Variants in TDRD5 observed in about 807,000 individuals in gnomAD.
TDRD5 encodes the protein tudor domain-containing protein 5.
In TDRD5, 41 loss-of-function variants were observed where a neutral mutation model predicts 120.6. The observed-to-expected ratio is 0.34, with a 90% CI of 0.26 to 0.44. The LOEUF is 0.44. Ranked by LOEUF, TDRD5 falls within the 20% of genes least tolerant of loss-of-function variation. TDRD5 has a pLI of 1.00. For synonymous variants in TDRD5, 430 were observed against 433.7 expected (o/e 0.99, Z 0.11); for missense variants, 1,006 against 1,221.2 (o/e 0.82, Z 2.63).
At chr1:179,614,075 T>C (rs1174322604) in intron 4 of TDRD5, among the ~76,000 whole-genome samples, 3 of 152,172 alleles carry the variant, frequency 2.0e-5, no homozygotes, top group Admixed American at 1.3e-4. Flanking sequence ...CAGGTGTCTG[T>C]TTTTAAATTT....
chr1:179,621,434 G>T (rs1317083331), intron 6 of TDRD5, among the ~76,000 whole-genome samples: 1 of 151,936 alleles, frequency 6.6e-6, no homozygotes, highest in Non-Finnish European at 1.5e-5. Flanking sequence ...GAGCATTTTG[G>T]CATTATCAAG....
Position 179,635,761 on chromosome 1 carries a change from C to T in TDRD5, c.1394C>T (p.Pro465Leu). The T allele has an allele frequency of 5.0e-6, 8 of 1,614,064 alleles. No homozygotes were observed. Among genetic ancestry groups the T allele is most frequent in the Non-Finnish European group, 5.9e-6 (7 of 1,180,014 alleles). Residue 465 changes from proline (P) to leucine (L), a missense_variant, in exon 9 of 18, where the codon CCA (proline) becomes CTA (leucine). Physicochemically the swap from Pro to Leu is moderately conservative, Grantham distance 98 (BLOSUM62 -3). This residue lies in a region of TDRD5 where 158 missense variants were observed against 257.5 expected (regional missense o/e 0.61). Coordinates refer to ENST00000444136, the MANE Select transcript of TDRD5 (RefSeq NM_001199085.3). Reference protein sequence around the residue: ...AVPNKKLCRLPPLDTSSLIGV... With the variant: ...AVPNKKLCRLLPLDTSSLIGV... ...CCGAACAAGAAATTATGCAGACTCC[C>T]ACCATTAGACACCAGTTCCCTCATA...
intron 17 of TDRD5, among the ~76,000 whole-genome samples, chr1:179,687,859 T>A (rs1263288239): frequency 7.0e-6 from 1 of 143,772 alleles, no homozygotes; most frequent in East Asian, 2.0e-4. Flanking sequence ...GAGACTAGGA[T>A]TGCAACCCCT....
At chr1:179,630,664 C>A (rs1677384375) in intron 6 of TDRD5, 103 bp from the exon 7 acceptor site, 1 of 1,210,396 alleles carries the variant, frequency 8.3e-7, no homozygotes, top group South Asian at 1.6e-5. Context: ...TACTTGAGTT[C>A]ATTGACCCTT....
At chr1:179,643,268 C>A (rs188093473) in intron 11 of TDRD5, among the ~76,000 whole-genome samples, 9 of 152,028 alleles carry the variant, frequency 5.9e-5, no homozygotes, top group Non-Finnish European at 1.2e-4. Flanking sequence ...TAACAGAATC[C>A]AGAAGCTCTA....
At position 179,634,639 on chromosome 1, in the gene TDRD5, G is replaced by T. The variant is rs770574969; in HGVS notation, c.1299+10G>T. 1 of 1,599,006 alleles carries T rather than the reference G, an allele frequency of 6.3e-7. No individual in the cohort carries two copies. Among genetic ancestry groups the T allele is most frequent in the East Asian group, 2.2e-5 (1 of 44,810 alleles). ...AAAGCCTTTACAGCTGGTGAGTGAGGTTTAAAGACTGTGCACTGGAGATTC... is the reference window on the plus strand; with the variant it reads ...AAAGCCTTTACAGCTGGTGAGTGAGTTTTAAAGACTGTGCACTGGAGATTC... On this transcript the variant is annotated intron_variant, in intron 8 of 17. Transcript: ENST00000444136.
At chr1:179,637,856 T>C (rs1358002339) in intron 9 of TDRD5, among the ~76,000 whole-genome samples, 3 of 152,176 alleles carry the variant, frequency 2.0e-5, no homozygotes, top group Admixed American at 1.3e-4. Context: ...ATACATGGGA[T>C]ATTATAAAAG....
intron 14 of TDRD5, 27 bp from the exon 15 acceptor site, chr1:179,662,077 T>G (rs767521526): frequency 6.6e-7 from 1 of 1,507,474 alleles, no homozygotes; most frequent in East Asian, 2.5e-5. Context: ...AAATGATAGT[T>G]TTTCTTTGTC....
intron 2 of TDRD5, among the ~76,000 whole-genome samples, chr1:179,593,214 A>G (rs1675211702): frequency 6.6e-6 from 1 of 152,232 alleles, no homozygotes; most frequent in South Asian, 2.1e-4. Flanking sequence ...AAGAGTTTCA[A>G]AAAATCTGTC....
chr1:179,616,603 G>A (rs977248288), intron 4 of TDRD5, among the ~76,000 whole-genome samples: 2 of 152,062 alleles, frequency 1.3e-5, no homozygotes, highest in Non-Finnish European at 2.9e-5. Context: ...TCCTTAGCTT[G>A]GCATTTAAGG....
intron 11 of TDRD5, among the ~76,000 whole-genome samples, chr1:179,644,831 T>A (rs892148213): frequency 2.6e-5 from 4 of 151,936 alleles, no homozygotes; most frequent in African/African-American, 9.7e-5. Flanking sequence ...TTTTTCTATT[T>A]TGTTTATTTC....
chr1:179,592,590 T>G lies in TDRD5; in HGVS notation c.-14-12T>G. ...TTTGCCCCCTTTTCCTCAGCTGCGT[T>G]TCTGTCTTCAGTCCTGTAGGGCACA... is the stretch of plus-strand genomic sequence containing the variant. On this transcript the variant is annotated splice_polypyrimidine_tract_variant and intron_variant, in intron 1 of 17. Coordinates refer to ENST00000444136, the MANE Select transcript of TDRD5 (RefSeq NM_001199085.3). The G allele has an allele frequency of 1.2e-6, 2 of 1,606,404 alleles. No homozygotes were observed. The highest frequency in any genetic ancestry group is 1.7e-6 in the Non-Finnish European group (2 of 1,173,904).
intron 16 of TDRD5, among the ~76,000 whole-genome samples, chr1:179,667,011 C>T (rs1276270999): frequency 4.6e-5 from 7 of 152,140 alleles, no homozygotes; most frequent in Non-Finnish European, 8.8e-5. Flanking sequence ...AGCAGTGCTT[C>T]TCAAACTATA....
At chr1:179,687,592 T>G (rs1215798733) in intron 17 of TDRD5, among the ~76,000 whole-genome samples, 1 of 152,210 alleles carries the variant, frequency 6.6e-6, no homozygotes, top group Non-Finnish European at 1.5e-5. Context: ...AATTCCTGGA[T>G]ATCCTTGTTA....
rs1038772871 is a variant in TDRD5, at chr1:179,629,784, G to A, written c.973-983G>A. On this transcript the variant is annotated intron_variant, in intron 6 of 17. Coordinates refer to ENST00000444136, the MANE Select transcript of TDRD5 (RefSeq NM_001199085.3). Reference sequence around the variant, plus strand: ...CAATGTTGGTGATGCTTTTGACTATGGAATAAATAACATGATAGACGGTCC... The same window carrying A: ...CAATGTTGGTGATGCTTTTGACTATAGAATAAATAACATGATAGACGGTCC... Among the ~76,000 whole-genome samples the A allele has an allele frequency of 2.6e-5, 4 of 151,460 alleles. No homozygotes were observed. The East Asian group carries it at 7.9e-4, about 30-fold the overall frequency.
chr1:179,651,327 G>T (rs1415144933), intron 12 of TDRD5, among the ~76,000 whole-genome samples: 1 of 152,078 alleles, frequency 6.6e-6, no homozygotes, highest in Admixed American at 6.5e-5. Context: ...GGCCAGGCAC[G>T]GTGGCTGTCA....
Position 179,663,397 on chromosome 1 carries a change from C to T in TDRD5, c.2555C>T (p.Pro852Leu). The change falls in exon 16 of 18, where the codon CCT becomes CTT. Residue 852 changes from proline to leucine, a missense_variant. This residue lies in a region of TDRD5 where 403 missense variants were observed against 448.1 expected (regional missense o/e 0.90). Coordinates refer to ENST00000444136, the MANE Select transcript of TDRD5 (RefSeq NM_001199085.3). ...GATACATGGGATGATTCTTGGCAGCCTTCAGGCCTTGTAAATGGAACGAAA... is the reference window on the plus strand; with the variant it reads ...GATACATGGGATGATTCTTGGCAGCTTTCAGGCCTTGTAAATGGAACGAAA... ...PKDTWDDSWQ[P>L]SGLVNGTKVE... 1 of 1,613,708 alleles carries T rather than the reference C, an allele frequency of 6.2e-7. No homozygotes were observed. Among genetic ancestry groups the T allele is most frequent in the South Asian group, 1.1e-5 (1 of 91,024 alleles).
intron 17 of TDRD5, among the ~76,000 whole-genome samples, chr1:179,688,465 G>C (rs551290029): frequency 1.3e-5 from 2 of 152,264 alleles, no homozygotes; most frequent in South Asian, 4.2e-4. Context: ...TTTCTCTCTG[G>C]CTGCGTTTAA....
In TDRD5 at chr1:179,609,505, T is replaced by C. The variant is rs143151467; in HGVS notation, c.832-9094T>C. 7.0e-3 allele frequency among the ~76,000 whole-genome samples: 1,062 copies of C among 152,228 alleles called. 28 individuals carry two copies. The highest frequency in any genetic ancestry group is 0.055 in the Admixed American group (846 of 15,294). On this transcript the variant is annotated intron_variant, in intron 4 of 17. Transcript: ENST00000444136. ...GCATTTCAAATTTCAGATTTTTGGATTTGTGATGTTCAACCTATGCCTTAA... is the reference window on the plus strand; with the variant it reads ...GCATTTCAAATTTCAGATTTTTGGACTTGTGATGTTCAACCTATGCCTTAA...
Sources: gnomAD v4.1 joint callset for allele counts (sites outside exome capture counted in the v4.1 genomes callset) on GRCh38, gnomAD v4.1.1 for gene constraint, gnomAD v4.1.1 regional missense constraint, MANE v1.5 for transcripts, NCBI Gene and HGNC (gene_info 2026-07-23, HGNC 2026-07-21) for gene names.